Variants in HOXD3 observed in about 807,000 individuals in gnomAD.
HOXD3 encodes homeobox D3.
Under a neutral mutation model 32.8 loss-of-function variants are expected in HOXD3, and 13 were observed. The observed-to-expected ratio is 0.40, with a 90% CI of 0.26 to 0.63. The LOEUF (loss-of-function observed/expected upper bound fraction) is 0.63. Among genes scored for constraint, HOXD3 ranks in the 20% least tolerant of loss-of-function variants. The pLI, the probability that HOXD3 is intolerant of heterozygous loss-of-function variation, is 0.44. For synonymous variants in HOXD3, 241 were observed against 246.8 expected (o/e 0.98, Z 0.22); for missense variants, 504 against 577.1 (o/e 0.87, Z 1.30).
chr2:176,167,074 T>C (rs1690994725), intron 2 of HOXD3, among the ~76,000 whole-genome samples: 1 of 152,212 alleles, frequency 6.6e-6, no homozygotes, highest in Admixed American at 6.5e-5. Flanking sequence ...GACAAAGTGA[T>C]TGAATGGTAT....
chr2:176,159,795 G>A (rs919613066), intron 1 of HOXD3, among the ~76,000 whole-genome samples: 2 of 152,226 alleles, frequency 1.3e-5, no homozygotes, highest in African/African-American at 4.8e-5. Context: ...TCGCCTTCCT[G>A]GAGGCGCCGC....
chr2:176,172,470 C>T lies in HOXD3; in HGVS notation c.*196C>T, dbSNP rs1036340444. Reference sequence around the variant, plus strand: ...CTCCATGGGCGTCCTTTGGGTGACTCGCCATAAATCAGCCGCAAGGATCCT... The same window carrying T: ...CTCCATGGGCGTCCTTTGGGTGACTTGCCATAAATCAGCCGCAAGGATCCT... On this transcript the variant is annotated 3_prime_UTR_variant, in exon 4 of 4. Transcript: ENST00000683222. The T allele has an allele frequency of 1.4e-5, 8 of 580,228 alleles. No homozygotes were observed. In the Admixed American group the frequency reaches 2.0e-4, roughly 14 times the overall value. 35.9% of individuals were successfully genotyped at this position (580,228 alleles called of 1,614,324 possible).
At chr2:176,168,491 C>T (rs912368815) in intron 2 of HOXD3, among the ~76,000 whole-genome samples, 1 of 152,044 alleles carries the variant, frequency 6.6e-6, no homozygotes, top group Admixed American at 6.6e-5. Flanking sequence ...TTGCTTGAAC[C>T]CAGAGGCGTA....
At chr2:176,161,625 C>G (rs968162817) in intron 1 of HOXD3, among the ~76,000 whole-genome samples, 2 of 152,130 alleles carry the variant, frequency 1.3e-5, no homozygotes, top group African/African-American at 4.8e-5. Context: ...CACACACAGC[C>G]TTTACCTCTT....
At chr2:176,160,358 G>C (rs891154437) in intron 1 of HOXD3, among the ~76,000 whole-genome samples, 4 of 152,208 alleles carry the variant, frequency 2.6e-5, no homozygotes, top group African/African-American at 9.6e-5. Context: ...GTCAGAGGTC[G>C]TTGTGGGGAG....
At chr2:176,162,833 A>C (rs1690850244) in intron 1 of HOXD3, among the ~76,000 whole-genome samples, 1 of 152,166 alleles carries the variant, frequency 6.6e-6, no homozygotes, top group Non-Finnish European at 1.5e-5. Context: ...TTTTGAGGGG[A>C]TGCTCCTACT....
chr2:176,167,894 C>T (rs946576648), intron 2 of HOXD3, among the ~76,000 whole-genome samples: 2 of 151,994 alleles, frequency 1.3e-5, no homozygotes, highest in African/African-American at 4.8e-5. Context: ...ATGACACAGC[C>T]CCTGCCTGCA....
chr2:176,164,838 C>T (rs2105441879), intron 2 of HOXD3: 1 of 152,378 alleles, frequency 6.6e-6, no homozygotes, highest in South Asian at 2.1e-4. Flanking sequence ...GCCTGGTGTC[C>T]CCTCCCTTCC....
intron 2 of HOXD3, chr2:176,164,902 G>C (rs532493710): frequency 2.8e-4 from 43 of 152,338 alleles, no homozygotes; most frequent in African/African-American, 8.4e-4. Flanking sequence ...TGCCGAGCCG[G>C]CCTCCGCAAG....
chr2:176,156,183 C>T (rs969569661), upstream of HOXD3, among the ~76,000 whole-genome samples: 5 of 152,068 alleles, frequency 3.3e-5, no homozygotes, highest in South Asian at 2.1e-4. Context: ...AATTAGGCAC[C>T]ATTTTTTGGG....
intron 1 of HOXD3, among the ~76,000 whole-genome samples, chr2:176,161,595 A>G (rs540123930): frequency 1.2e-4 from 18 of 152,264 alleles, no homozygotes; most frequent in Non-Finnish European, 2.4e-4. Flanking sequence ...AGCTCCCTGC[A>G]TTGTTCCGGT....
chr2:176,162,696 A>T (rs577370317), intron 1 of HOXD3, among the ~76,000 whole-genome samples: 1 of 152,062 alleles, frequency 6.6e-6, no homozygotes, highest in Non-Finnish European at 1.5e-5. Flanking sequence ...AAGAGCTCAA[A>T]GCGCACCGCG....
At position 176,164,785 on chromosome 2, in the gene HOXD3, C is replaced by G. The variant is rs561473141; in HGVS notation, c.-85+617C>G. On this transcript the variant is annotated intron_variant, in intron 2 of 3. Transcript: ENST00000683222. Reference sequence around the variant, plus strand: ...TCAACTTGGATGGGCTGACTCTACCCGTCGGTGATTTACGACGATTGCAGC... The same window carrying G: ...TCAACTTGGATGGGCTGACTCTACCGGTCGGTGATTTACGACGATTGCAGC... 5.3e-5 allele frequency: 8 copies of G among 152,360 alleles called. No individual in the cohort carries two copies. The South Asian group carries it at 1.0e-3, about 20-fold the overall frequency. 9.4% of individuals were successfully genotyped at this position (152,360 alleles called of 1,614,324 possible).
At position 176,172,118 on chromosome 2, in the gene HOXD3, C is replaced by A. The variant is rs757802809; in HGVS notation, c.1143C>A (p.His381Gln). The A allele has an allele frequency of 1.9e-6, 3 of 1,613,054 alleles. No individual in the cohort carries two copies. Among genetic ancestry groups the A allele is most frequent in the Non-Finnish European group, 2.5e-6 (3 of 1,179,968 alleles). ...TCTTCAACCTGGGCCACCTCTCGCA[C>A]CCGTCGTCGGCCAGCGTGGACTACA... ...GPVFNLGHLS[H>Q]PSSASVDYSC... Residue 381 changes from histidine to glutamine, a missense_variant, in exon 4 of 4, where the codon CAC becomes CAA. This residue lies in a region of HOXD3 where 226 missense variants were observed against 246.9 expected (regional missense o/e 0.92). Coordinates refer to ENST00000683222, the MANE Select transcript of HOXD3 (RefSeq NM_006898.5).
chr2:176,167,495 C>A (rs1208003499), intron 2 of HOXD3, among the ~76,000 whole-genome samples: 1 of 152,122 alleles, frequency 6.6e-6, no homozygotes, highest in African/African-American at 2.4e-5. Flanking sequence ...GAAACATTTT[C>A]TAGCCTCAAA....
At chr2:176,163,728 G>C (rs1227051883) in intron 1 of HOXD3, among the ~76,000 whole-genome samples, 1 of 152,084 alleles carries the variant, frequency 6.6e-6, no homozygotes, top group Non-Finnish European at 1.5e-5. Context: ...TTTGGCTTCC[G>C]GGATTGGGAC....
At chr2:176,168,277 A>AAAC (rs1553522199) in intron 2 of HOXD3, among the ~76,000 whole-genome samples, 3 of 151,406 alleles carry the variant, frequency 2.0e-5, no homozygotes, top group Non-Finnish European at 4.4e-5. Context: ...AAAAAAAAAA[A>AAAC]AAACTAAGAG....
chr2:176,152,949 G>T (rs1690574183), upstream of HOXD3: 1 of 1,613,732 alleles, frequency 6.2e-7, no homozygotes, highest in Non-Finnish European at 8.5e-7. The surrounding 1 kb of genome is among the most constrained non-coding windows in gnomAD (Gnocchi z 5.2). Flanking sequence ...ATAGAAGTGG[G>T]GACCCTGGGC....
At position 176,171,572 on chromosome 2, in the gene HOXD3, G is replaced by C. The variant is rs774731900; in HGVS notation, c.597G>C (p.Thr199=). 2 of 1,612,292 alleles carry C rather than the reference G, an allele frequency of 1.2e-6. No homozygotes were observed. The highest frequency in any genetic ancestry group is 8.5e-7 in the Non-Finnish European group (1 of 1,178,928). Reference sequence around the variant, plus strand: ...GCCCAGCATCCAAGCGGGTACGCACGGCATACACGAGCGCGCAGCTGGTGG... The same window carrying C: ...GCCCAGCATCCAAGCGGGTACGCACCGCATACACGAGCGCGCAGCTGGTGG... ...PPGPASKRVR[T]AYTSAQLVEL... is the part of the protein sequence containing the mutation. The change falls in exon 4 of 4, where the codon ACG becomes ACC. Residue 199 remains threonine (T), a synonymous_variant. Coordinates refer to ENST00000683222, the MANE Select transcript of HOXD3 (RefSeq NM_006898.5).
Sources: gnomAD v4.1 joint callset for allele counts (sites outside exome capture counted in the v4.1 genomes callset) on GRCh38, gnomAD v4.1.1 for gene constraint, gnomAD v4.1.1 regional missense constraint, Gnocchi (gnomAD v3.1) non-coding constraint, MANE v1.5 for transcripts, NCBI Gene and HGNC (gene_info 2026-07-23, HGNC 2026-07-21) for gene names.